Variants in TAFA5 observed in about 807,000 individuals in gnomAD.
TAFA5 encodes TAFA chemokine like family member 5.
Under a neutral mutation model 15.3 loss-of-function variants are expected in TAFA5, and 6 were observed. That is an observed-to-expected ratio of 0.39 (90% CI 0.21 to 0.77). The LOEUF (loss-of-function observed/expected upper bound fraction) is 0.77, where lower values mean the gene tolerates loss of function less well. Among genes scored for constraint, TAFA5 ranks in the 30% least tolerant of loss-of-function variants. TAFA5 has a pLI of 0.41. For missense variants in TAFA5, 161 were observed against 193.1 expected (o/e 0.83, Z 0.98); for synonymous variants, 103 against 80.7 (o/e 1.28, Z -1.48).
chr22:48,514,192 T>C (rs1157589668), intron 1 of TAFA5, among the ~76,000 whole-genome samples: 1 of 152,128 alleles, frequency 6.6e-6, no homozygotes, highest in Non-Finnish European at 1.5e-5. Context: ...ATGAAATGAA[T>C]GCATGCTTCT....
At chr22:48,586,264 G>T (rs572638994) in intron 1 of TAFA5, among the ~76,000 whole-genome samples, 2 of 152,248 alleles carry the variant, frequency 1.3e-5, no homozygotes, top group Non-Finnish European at 2.9e-5. Context: ...GGTGGCGTGG[G>T]TGTTGCCTGG....
chr22:48,627,318 G>A lies in TAFA5; in HGVS notation c.113-19279G>A, dbSNP rs148231978. 3.8e-3 allele frequency among the ~76,000 whole-genome samples: 585 copies of A among 152,354 alleles called. 4 individuals carry two copies. The highest frequency in any genetic ancestry group is 0.013 in the African/African-American group (546 of 41,582). On this transcript the variant is annotated intron_variant, in intron 1 of 3. Transcript: ENST00000402357. ...TGAAGGATGTGTTGTCTCCGTCACT[G>A]TCCCCGGAGCCAGCACGTGCCCGGC...
intron 1 of TAFA5, among the ~76,000 whole-genome samples, chr22:48,623,410 C>T (rs370751902): frequency 2.8e-4 from 39 of 139,672 alleles, no homozygotes; most frequent in East Asian, 1.6e-3. Flanking sequence ...TCGCGTGGCC[C>T]TGCGCGGTGA....
intron 2 of TAFA5, among the ~76,000 whole-genome samples, chr22:48,692,280 A>G (rs1928567206): frequency 6.6e-6 from 1 of 152,130 alleles, no homozygotes; most frequent in South Asian, 2.1e-4. Context: ...GGCTGCTGAG[A>G]GTCAGGGGTC....
At chr22:48,577,807 G>A in intron 1 of TAFA5, among the ~76,000 whole-genome samples, 1 of 152,210 alleles carries the variant, frequency 6.6e-6, no homozygotes, top group African/African-American at 2.4e-5. Context: ...CCAGGACTCT[G>A]CTGCGGGCTT....
In TAFA5 at chr22:48,638,655, G is replaced by T. The variant is rs535328336; in HGVS notation, c.113-7942G>T. On this transcript the variant is annotated intron_variant, in intron 1 of 3. Transcript: ENST00000402357. ...GGCAACAACCCCCCCCACACACTAAGCCCTGGGCCACACACAGGCAATACC... is the reference window on the plus strand; with the variant it reads ...GGCAACAACCCCCCCCACACACTAATCCCTGGGCCACACACAGGCAATACC... 5.0e-3 allele frequency among the ~76,000 whole-genome samples: 584 copies of T among 117,476 alleles called. 4 individuals are homozygous for T. The highest frequency in any genetic ancestry group is 0.019 in the African/African-American group (556 of 28,704). 77.1% of individuals were successfully genotyped at this position (117,476 alleles called of 152,430 possible).
chr22:48,711,333 G>A (rs2337490), intron 3 of TAFA5, among the ~76,000 whole-genome samples: 104,537 of 151,218 alleles, frequency 0.69, 36,338 homozygotes, highest in Middle Eastern at 0.73. Flanking sequence ...TATGGCGGGG[G>A]CACCTTGTAT....
At chr22:48,548,072 G>A (rs549550994) in intron 1 of TAFA5, among the ~76,000 whole-genome samples, 2 of 152,224 alleles carry the variant, frequency 1.3e-5, no homozygotes, top group Non-Finnish European at 2.9e-5. Flanking sequence ...GACCTCCCCC[G>A]AGTGAACATG....
chr22:48,734,388 A>G (rs1753149534), intron 3 of TAFA5, among the ~76,000 whole-genome samples: 1 of 152,238 alleles, frequency 6.6e-6, no homozygotes, highest in Admixed American at 6.5e-5. Flanking sequence ...GGTTTTCAGA[A>G]TTTCACAAGA....
rs372924189 is a variant in TAFA5, at chr22:48,695,166, T to TTG, written c.263-12536_263-12535dup. On this transcript the variant is annotated intron_variant, in intron 2 of 3. Coordinates refer to ENST00000402357, the MANE Select transcript of TAFA5 (RefSeq NM_001082967.3). ...TTGTGCATTTGTGTATGTGTGCACA[T>TTG]TGTGTGTGTGTGTGTGATTTGTATG... 4.5e-3 allele frequency among the ~76,000 whole-genome samples: 682 copies of TTG among 150,996 alleles called. 5 individuals carry two copies. Among genetic ancestry groups the TTG allele is most frequent in the African/African-American group, 0.015 (620 of 41,188 alleles).
intron 1 of TAFA5, among the ~76,000 whole-genome samples, chr22:48,568,955 G>A (rs1244946182): frequency 6.6e-6 from 1 of 152,214 alleles, no homozygotes; most frequent in Non-Finnish European, 1.5e-5. Flanking sequence ...GACGAGGGCA[G>A]AGCATCCTCT....
At chr22:48,593,840 T>C (rs1235935026) in intron 1 of TAFA5, among the ~76,000 whole-genome samples, 1 of 152,132 alleles carries the variant, frequency 6.6e-6, no homozygotes, top group African/African-American at 2.4e-5. Context: ...TGCCCTGCTG[T>C]GGACCCCAGT....
rs548518306 is a variant in TAFA5 at position 48,529,538 on chromosome 22, G to C, written c.112+39834G>C. 3.7e-3 allele frequency among the ~76,000 whole-genome samples: 185 copies of C among 50,094 alleles called. 8 individuals are homozygous for C. Among genetic ancestry groups the C allele is most frequent in the African/African-American group, 0.017 (170 of 9,820 alleles). The allele number at this position is 50,094 out of a possible 152,430, so 32.9% of individuals were successfully genotyped here. A position where few individuals can be genotyped will look rare whatever the true frequency, so the allele number is the denominator to read the frequency against. On this transcript the variant is annotated intron_variant, in intron 1 of 3. Coordinates refer to ENST00000402357, the MANE Select transcript of TAFA5 (RefSeq NM_001082967.3). ...ATGGGGGTGTCCAGGCAGGAGATGG[G>C]GGTGTCCAGGCAGGAGATGGGGGTG...
chr22:48,702,938 G>A (rs773358833), intron 2 of TAFA5, among the ~76,000 whole-genome samples: 1 of 152,256 alleles, frequency 6.6e-6, no homozygotes, highest in South Asian at 2.1e-4. Context: ...TGGTGCCCTC[G>A]GGAGGGCCAG....
At chr22:48,571,423 C>A (rs1187056431) in intron 1 of TAFA5, among the ~76,000 whole-genome samples, 3 of 151,246 alleles carry the variant, frequency 2.0e-5, no homozygotes, top group African/African-American at 7.3e-5. Context: ...TACAGGCACC[C>A]ACTACCACGC....
Position 48,647,392 on chromosome 22 carries a change from G to A in TAFA5, c.262+646G>A, listed in dbSNP as rs111797378. Among the ~76,000 whole-genome samples the A allele has an allele frequency of 2.9e-3, 436 of 152,242 alleles. 12 individuals are homozygous for A. The East Asian group carries it at 0.06, about 21-fold the overall frequency. ...TATGAGGTGACATGGGGCGGGAGGG[G>A]CTGTCCCGGCGTCTGGTGGGAGCCT... On this transcript the variant is annotated intron_variant, in intron 2 of 3. Transcript: ENST00000402357.
intron 1 of TAFA5, among the ~76,000 whole-genome samples, chr22:48,573,222 C>A (rs1423162121): frequency 6.6e-6 from 1 of 152,228 alleles, no homozygotes; most frequent in Non-Finnish European, 1.5e-5. Context: ...GTTTGTTTCA[C>A]CTTCTCGGGA....
intron 1 of TAFA5, among the ~76,000 whole-genome samples, chr22:48,506,846 C>T (rs1390716015): frequency 6.6e-6 from 1 of 152,196 alleles, no homozygotes; most frequent in Non-Finnish European, 1.5e-5. Flanking sequence ...CCAAATTCAT[C>T]AACATCCCTG....
chr22:48,692,083 G>A (rs916194682), intron 2 of TAFA5, among the ~76,000 whole-genome samples: 1 of 152,148 alleles, frequency 6.6e-6, no homozygotes, highest in Non-Finnish European at 1.5e-5. Context: ...CTGGGATGGG[G>A]CAGTGTGCCA....
Sources: allele counts gnomAD v4.1 joint callset (sites outside exome capture counted in the v4.1 genomes callset), GRCh38; gene constraint gnomAD v4.1.1; transcripts MANE v1.5; gene names NCBI Gene and HGNC (gene_info 2026-07-23, HGNC 2026-07-21).